The following ESYT1 variants were observed in gnomAD, a reference collection of about 807,000 sequenced individuals.
ESYT1 encodes extended synaptotagmin 1.
Under a neutral mutation model 154.2 loss-of-function variants are expected in ESYT1, and 116 were observed. The ratio of observed to expected loss-of-function variants is 0.75; its 90% CI spans 0.65 to 0.88. ESYT1 has a LOEUF of 0.88. Among genes scored for constraint, ESYT1 ranks in the 40% least tolerant of loss-of-function variants. The pLI, the probability that ESYT1 is intolerant of heterozygous loss-of-function variation, is 0.00. For synonymous variants in ESYT1, 500 were observed against 539.9 expected (o/e 0.93, Z 1.02); for missense variants, 1,264 against 1,379.3 (o/e 0.92, Z 1.32).
rs558920689 is a variant in ESYT1, at chr12:56,135,436, T to G, written c.1632+1008T>G. ...ATCCGCCCGTCTCAGCCTCCCAAAGTGCTTGGATTACAGGCGTGAGCCACC... is the reference window on the plus strand; with the variant it reads ...ATCCGCCCGTCTCAGCCTCCCAAAGGGCTTGGATTACAGGCGTGAGCCACC... On this transcript the variant is annotated intron_variant, in intron 15 of 30. Transcript: ENST00000394048. 2.6e-5 allele frequency among the ~76,000 whole-genome samples: 4 copies of G among 151,670 alleles called. No homozygotes were observed. In the South Asian group the frequency reaches 6.3e-4, roughly 24 times the overall value.
chr12:56,137,731 A>G, intron 18 of ESYT1, 56 bp downstream of exon 18: 1 of 1,610,190 alleles, frequency 6.2e-7, no homozygotes, highest in Non-Finnish European at 8.5e-7. Context: ...CCCAATCCCA[A>G]AAGTGGTCCA....
intron 19 of ESYT1, 51 bp downstream of exon 19, chr12:56,137,965 T>C (rs1467396801): frequency 1.9e-6 from 3 of 1,610,586 alleles, no homozygotes; most frequent in Non-Finnish European, 2.5e-6. Context: ...CTTTAGGCCA[T>C]GGAGTCTGGC....
intron 24 of ESYT1, among the ~76,000 whole-genome samples, chr12:56,140,952 C>G (rs376163638): frequency 5.5e-4 from 83 of 152,230 alleles, no homozygotes; most frequent in African/African-American, 1.9e-3. Context: ...AGGGAGTGCA[C>G]AGAGAGGGAA....
At position 56,142,197 on chromosome 12, in the gene ESYT1, G is replaced by A. The variant is rs774591226; in HGVS notation, c.2593-88G>A. 2.1e-5 allele frequency: 31 copies of A among 1,473,806 alleles called. No homozygotes were observed. The highest frequency in any genetic ancestry group is 2.9e-5 in the Non-Finnish European group (31 of 1,082,664). 91.3% of individuals were successfully genotyped at this position (1,473,806 alleles called of 1,614,324 possible). On this transcript the variant is annotated intron_variant, in intron 24 of 30. Coordinates refer to ENST00000394048, the MANE Select transcript of ESYT1 (RefSeq NM_015292.3). This position sits in a 1 kb window ranked among gnomAD's most constrained non-coding sequence, Gnocchi z 4.1. Reference sequence around the variant, plus strand: ...AGGGAAATCTCACCAAACCACCTATGAGTCCAAGCGTTTGGACCTTTAAAA... The same window carrying A: ...AGGGAAATCTCACCAAACCACCTATAAGTCCAAGCGTTTGGACCTTTAAAA...
chr12:56,130,491 CT>C, intron 1 of ESYT1, 90 bp from the exon 2 acceptor site: 1 of 1,512,248 alleles, frequency 6.6e-7, no homozygotes, highest in East Asian at 2.3e-5. Context: ...CACACACTCC[CT>C]CTCCTCTGTG....
In ESYT1 at chr12:56,132,329, C is replaced by T; in HGVS notation, c.981C>T (p.Pro327=). 6.2e-7 allele frequency: 1 copy of T among 1,614,104 alleles called. No individual in the cohort carries two copies. The highest frequency in any genetic ancestry group is 8.5e-7 in the Non-Finnish European group (1 of 1,180,024). The change falls in exon 8 of 31, where the codon CCC becomes CCT. Residue 327 remains proline, a synonymous_variant. Transcript: ENST00000394048. ...TGGCTCAGTTGCGTTCCCCTCTGCCCAGGGTATGGCCTTTCCCCCACTAGA... is the reference window on the plus strand; with the variant it reads ...TGGCTCAGTTGCGTTCCCCTCTGCCTAGGGTATGGCCTTTCCCCCACTAGA... The part of the protein sequence containing the change: ...QDVAQLRSPL[P]RGIIRIHLLA...
chr12:56,143,580 G>T lies in ESYT1; in HGVS notation c.3226G>T (p.Val1076Leu). The change falls in exon 30 of 31, where the codon GTG becomes TTG. Residue 1076 changes from valine to leucine, a missense_variant and splice_region_variant. By Grantham distance (32) the Val-to-Leu change is conservative. Coordinates refer to ENST00000394048, the MANE Select transcript of ESYT1 (RefSeq NM_015292.3). ...TTTCCCCTATCATCTTCCAACACAGGTGCAGCTGGACCTAGCTGAGACAGA... is the reference window on the plus strand; with the variant it reads ...TTTCCCCTATCATCTTCCAACACAGTTGCAGCTGGACCTAGCTGAGACAGA... ...MSRERELLGK[V>L]QLDLAETDLS... The T allele has an allele frequency of 2.5e-6, 4 of 1,614,100 alleles. No individual in the cohort carries two copies. The highest frequency in any genetic ancestry group is 3.4e-6 in the Non-Finnish European group (4 of 1,180,012).
chr12:56,133,979 G>GTAAC, intron 13 of ESYT1, 106 bp downstream of exon 13: 2 of 1,525,260 alleles, frequency 1.3e-6, no homozygotes, highest in South Asian at 2.2e-5. Context: ...GTATCAGCAT[G>GTAAC]TAACATAAGG....
In ESYT1 at chr12:56,130,857, C is replaced by T. The variant is rs753059017; in HGVS notation, c.499C>T (p.Pro167Ser). 72 of 1,614,044 alleles carry T rather than the reference C, an allele frequency of 4.5e-5. No individual in the cohort carries two copies. The Admixed American group carries it at 1.2e-3, about 26-fold the overall frequency. ...MEKLLAETVA[P>S]AVRGSNPHLQ... ...GAAGCTTCTGGCTGAAACTGTGGCT[C>T]CGGCTGTTAGGGGATCTAACCCCCA... is the stretch of plus-strand genomic sequence containing the variant. Residue 167 changes from proline to serine, a missense_variant, in exon 3 of 31, where the codon CCG (proline) becomes TCG (serine). By Grantham distance (74) the Pro-to-Ser change is moderately conservative. Transcript: ENST00000394048.
intron 15 of ESYT1, 54 bp from the exon 16 acceptor site, chr12:56,136,690 A>G: frequency 6.7e-7 from 1 of 1,494,956 alleles, no homozygotes; most frequent in Non-Finnish European, 9.0e-7. Context: ...TTTTCACAGT[A>G]TGCCTCCCTT....
At chr12:56,130,677 C>G in intron 2 of ESYT1, 54 bp downstream of exon 2, 1 of 1,613,586 alleles carries the variant, frequency 6.2e-7, no homozygotes, top group Admixed American at 1.7e-5. Context: ...GAATTTGTTT[C>G]TTCTTGCCAG....
intron 1 of ESYT1, among the ~76,000 whole-genome samples, chr12:56,130,016 C>T (rs1236690467): frequency 6.6e-6 from 1 of 152,046 alleles, no homozygotes; most frequent in Admixed American, 6.5e-5. Flanking sequence ...CCTCTTCAAG[C>T]GATTCTCCTG....
chr12:56,134,353 T>C lies in ESYT1; in HGVS notation c.1557T>C (p.Ser519=), dbSNP rs1418302622. 10 of 1,613,968 alleles carry C rather than the reference T, an allele frequency of 6.2e-6. No individual in the cohort carries two copies. The highest frequency in any genetic ancestry group is 8.5e-6 in the Non-Finnish European group (10 of 1,180,010). Residue 519 remains serine (S), a synonymous_variant, in exon 15 of 31, where the codon AGT becomes AGC. Coordinates refer to ENST00000394048, the MANE Select transcript of ESYT1 (RefSeq NM_015292.3). ...DVTQESKAVY[S]TNCPVWEEAF... ...CTCTACATCTCCAGGCTGTCTACAG[T>C]ACCAACTGCCCAGTGTGGGAGGAAG...
intron 24 of ESYT1, among the ~76,000 whole-genome samples, chr12:56,141,544 T>C (rs886121593): frequency 6.6e-6 from 1 of 152,030 alleles, no homozygotes. Context: ...ATCGAGACCA[T>C]CCTGGCTAAC....
At chr12:56,131,684 C>T in intron 6 of ESYT1, 65 bp from the exon 7 acceptor site, 5 of 1,607,470 alleles carry the variant, frequency 3.1e-6, no homozygotes, top group Non-Finnish European at 3.4e-6. Flanking sequence ...GGGGTTCTGG[C>T]AACTGTTTGA....
At chr12:56,134,274 A>G in intron 14 of ESYT1, 68 bp from the exon 15 acceptor site, 2 of 1,595,480 alleles carry the variant, frequency 1.3e-6, no homozygotes, top group South Asian at 2.2e-5. Context: ...TGTTACATGC[A>G]GGGGTTTTCT....
intron 15 of ESYT1, among the ~76,000 whole-genome samples, chr12:56,135,175 AT>A (rs974445488): frequency 8.4e-4 from 121 of 143,598 alleles, no homozygotes; most frequent in Non-Finnish European, 7.5e-4. Context: ...AACATTCAGC[AT>A]TTTTTTTTTT....
intron 10 of ESYT1, among the ~76,000 whole-genome samples, chr12:56,133,045 C>T (rs11171750): frequency 1.0e-3 from 158 of 151,816 alleles, no homozygotes; most frequent in African/African-American, 3.7e-3. Flanking sequence ...TGGGTGAACC[C>T]GGGAGGAGGA....
At chr12:56,130,458 C>T in intron 1 of ESYT1, 124 bp from the exon 2 acceptor site, 1 of 1,205,582 alleles carries the variant, frequency 8.3e-7, no homozygotes, top group Non-Finnish European at 1.2e-6. Context: ...TCGCCCCTCG[C>T]CCACCCTGAG....
Sources: allele counts gnomAD v4.1 joint callset (sites outside exome capture counted in the v4.1 genomes callset), GRCh38; gene constraint gnomAD v4.1.1; non-coding constraint Gnocchi (gnomAD v3.1); transcripts MANE v1.5; gene names NCBI Gene and HGNC (gene_info 2026-07-23, HGNC 2026-07-21).